Variants in ZNF536 observed in about 807,000 individuals in gnomAD.
ZNF536 encodes the protein zinc finger protein 536.
Under a neutral mutation model 84.5 loss-of-function variants are expected in ZNF536, and 13 were observed. That is an observed-to-expected ratio of 0.15 (90% CI 0.10 to 0.24). The LOEUF (loss-of-function observed/expected upper bound fraction) is 0.24, where lower values mean the gene tolerates loss of function less well. Ranked by LOEUF, ZNF536 falls within the 10% of genes least tolerant of loss-of-function variation. ZNF536 has a pLI of 1.00. For missense variants in ZNF536, 1,536 were observed against 1,747.5 expected, an observed-to-expected ratio of 0.88 and a Z score of 2.16; for synonymous variants, 811 against 742.5, an observed-to-expected ratio of 1.09 and a Z score of -1.50.
intron 2 of ZNF536, among the ~76,000 whole-genome samples, chr19:30,461,850 C>T (rs1269904360): frequency 1.3e-5 from 2 of 152,176 alleles, no homozygotes; most frequent in Non-Finnish European, 2.9e-5. Context: ...AAGGGGCCTG[C>T]AGGTAGAAGA....
chr19:30,568,681 C>T (rs1370179220), intron 1 of ZNF536, among the ~76,000 whole-genome samples: 4 of 152,154 alleles, frequency 2.6e-5, no homozygotes, highest in Non-Finnish European at 5.9e-5. Context: ...TGGAAAGGGA[C>T]GTCAGCCTGG....
intron 1 of ZNF536, among the ~76,000 whole-genome samples, chr19:30,638,326 A>G (rs1351000931): frequency 1.3e-5 from 2 of 152,206 alleles, no homozygotes; most frequent in South Asian, 2.1e-4. Context: ...TGGGTAATTT[A>G]TAATGAAAAG....
chr19:30,240,726 G>A lies in ZNF536; in HGVS notation c.-190+12053G>A, dbSNP rs78889527. ...TATAGCAAGGAGGGCTTCGTGGACC[G>A]TCTCCTGAAGGGTATGAGGTACTTA... On this transcript the variant is annotated intron_variant, in intron 1 of 5. Transcript: ENST00000585628. 5.7e-3 allele frequency among the ~76,000 whole-genome samples: 871 copies of A among 152,316 alleles called. 12 individuals carry two copies. The highest frequency in any genetic ancestry group is 0.019 in the African/African-American group (800 of 41,564).
chr19:30,599,030 C>T (rs2047575704), intron 1 of ZNF536, among the ~76,000 whole-genome samples: 1 of 106,862 alleles, frequency 9.4e-6, no homozygotes, highest in African/African-American at 4.8e-5. Context: ...TCCCTCCCTC[C>T]CTCCCTTCCT....
intron 2 of ZNF536, among the ~76,000 whole-genome samples, chr19:30,512,073 CTT>C (rs2055436605): frequency 6.6e-6 from 1 of 152,192 alleles, no homozygotes; most frequent in African/African-American, 2.4e-5. Context: ...GATATACAGA[CTT>C]TTATTTTAAA....
chr19:30,705,258 C>T (rs1335828273), intron 1 of ZNF536, among the ~76,000 whole-genome samples: 1 of 152,090 alleles, frequency 6.6e-6, no homozygotes, highest in Non-Finnish European at 1.5e-5. Context: ...CTTCATAGAA[C>T]TTTCTTCCAC....
intron 1 of ZNF536, among the ~76,000 whole-genome samples, chr19:30,631,218 C>T (rs1487009627): frequency 6.6e-6 from 1 of 152,232 alleles, no homozygotes; most frequent in Non-Finnish European, 1.5e-5. Flanking sequence ...CAGGTGCAAG[C>T]CCCACACCGG....
chr19:30,268,177 G>A (rs1265684062), intron 1 of ZNF536, among the ~76,000 whole-genome samples: 1 of 150,340 alleles, frequency 6.7e-6, no homozygotes, highest in Non-Finnish European at 1.5e-5. Flanking sequence ...CTAGTGTTTA[G>A]ATCCCGCGTT....
chr19:30,632,893 G>A (rs2048941828), intron 1 of ZNF536, among the ~76,000 whole-genome samples: 1 of 152,200 alleles, frequency 6.6e-6, no homozygotes, highest in Admixed American at 6.5e-5. Flanking sequence ...TTCTTTAAAT[G>A]ATCTGGAAGA....
intron 1 of ZNF536, among the ~76,000 whole-genome samples, chr19:30,681,809 GC>G (rs1057496668): frequency 2.0e-5 from 3 of 152,138 alleles, no homozygotes; most frequent in Non-Finnish European, 4.4e-5. Context: ...TCTCTGGGTA[GC>G]CCCCCTTCCC....
At chr19:30,559,577 T>A (rs1463536409), downstream of ZNF536, among the ~76,000 whole-genome samples, 1 of 152,214 alleles carries the variant, frequency 6.6e-6, no homozygotes. Context: ...TACACCCCGC[T>A]GCCCACTTCC....
At chr19:30,281,341 G>C (rs2045436361) in intron 1 of ZNF536, among the ~76,000 whole-genome samples, 1 of 152,158 alleles carries the variant, frequency 6.6e-6, no homozygotes, top group Non-Finnish European at 1.5e-5. Context: ...TCCCCTTTCT[G>C]GAAGTTGCGG....
In ZNF536 at chr19:30,260,035, G is replaced by A. The variant is rs74880556; in HGVS notation, c.-189-24037G>A. Among the ~76,000 whole-genome samples the A allele has an allele frequency of 4.6e-3, 704 of 152,162 alleles. 27 individuals are homozygous for A. The East Asian group carries it at 0.075, about 16-fold the overall frequency. On this transcript the variant is annotated intron_variant, in intron 1 of 5. Transcript: ENST00000585628. ...CTGCCTTGGCCTCCCAAAGTGCTGG[G>A]ATTACAGGCGTGAGCCACCATGCCC... is the stretch of plus-strand genomic sequence containing the variant.
intron 3 of ZNF536, among the ~76,000 whole-genome samples, chr19:30,545,484 G>A (rs1426364910): frequency 3.0e-5 from 4 of 131,206 alleles, no homozygotes; most frequent in Non-Finnish European, 4.7e-5. Flanking sequence ...TGCAAGCTCC[G>A]CCTCCCGGGT....
chr19:30,553,606 C>T (rs563714524), intron 4 of ZNF536, among the ~76,000 whole-genome samples: 3 of 152,282 alleles, frequency 2.0e-5, no homozygotes, highest in Non-Finnish European at 2.9e-5. Context: ...CTCCCCTTTG[C>T]CCCAAGGAGC....
intron 1 of ZNF536, among the ~76,000 whole-genome samples, chr19:30,402,182 C>T (rs1346428101): frequency 6.6e-6 from 1 of 151,914 alleles, no homozygotes; most frequent in African/African-American, 2.4e-5. Flanking sequence ...TGTAAAGAAC[C>T]TTCTTTAATT....
chr19:30,398,986 CGCCACACTGTCT>C (rs1568390894), intron 1 of ZNF536, among the ~76,000 whole-genome samples: 2 of 152,158 alleles, frequency 1.3e-5, no homozygotes, highest in African/African-American at 4.8e-5. Context: ...CTTGAGGAAT[CGCCACACTGTCT>C]TCCACAATGA....
intron 1 of ZNF536, among the ~76,000 whole-genome samples, chr19:30,283,481 TGGCTGCTG>T (rs1401181973): frequency 6.6e-6 from 1 of 152,248 alleles, no homozygotes; most frequent in Non-Finnish European, 1.5e-5. Flanking sequence ...AAAATCTCAC[TGGCTGCTG>T]CTTTCCTGGT....
intron 1 of ZNF536, among the ~76,000 whole-genome samples, chr19:30,258,910 G>T (rs1256249570): frequency 6.6e-6 from 1 of 151,906 alleles, no homozygotes; most frequent in Non-Finnish European, 1.5e-5. Flanking sequence ...TAGAGATGGG[G>T]TTTCTCCATG....
Sources: gnomAD v4.1 joint callset for allele counts (sites outside exome capture counted in the v4.1 genomes callset) on GRCh38, gnomAD v4.1.1 for gene constraint, MANE v1.5 for transcripts, NCBI Gene and HGNC (gene_info 2026-07-23, HGNC 2026-07-21) for gene names.